The following EHD4 variants were observed in gnomAD, a reference collection of about 807,000 sequenced individuals.
The protein encoded by EHD4 is EH domain-containing protein 4.
EHD4 carries 37 observed loss-of-function variants against 51.0 expected under a neutral mutation model. That is an observed-to-expected ratio of 0.73 (90% CI 0.56 to 0.95). The LOEUF (loss-of-function observed/expected upper bound fraction) is 0.95. Among genes scored for constraint, EHD4 ranks in the 40% least tolerant of loss-of-function variants. EHD4 has a pLI of 0.00. For synonymous variants in EHD4, 297 were observed against 317.3 expected (o/e 0.94, Z 0.68); for missense variants, 632 against 733.1 (o/e 0.86, Z 1.59).
chr15:41,933,743 G>T (rs1398885839), intron 3 of EHD4, among the ~76,000 whole-genome samples: 1 of 152,220 alleles, frequency 6.6e-6, no homozygotes, highest in South Asian at 2.1e-4. Flanking sequence ...ACCAGGGAAG[G>T]TTATTAAACG....
intron 1 of EHD4, among the ~76,000 whole-genome samples, chr15:41,955,486 G>T (rs2067881709): frequency 6.6e-6 from 1 of 152,066 alleles, no homozygotes; most frequent in Admixed American, 6.5e-5. Context: ...CTCAGCTGAG[G>T]GGAAGAGCTC....
intron 1 of EHD4, among the ~76,000 whole-genome samples, chr15:41,965,685 C>T (rs918208356): frequency 1.3e-5 from 2 of 152,182 alleles, no homozygotes; most frequent in East Asian, 1.9e-4. Flanking sequence ...TGCACAGCCA[C>T]GTGCAGAAGG....
chr15:41,972,432 C>T lies in EHD4; in HGVS notation c.63G>A (p.Val21=), dbSNP rs2068004925. 1 of 1,596,028 alleles carries T rather than the reference C, an allele frequency of 6.3e-7. No individual in the cohort carries two copies. Among genetic ancestry groups the T allele is most frequent in the Non-Finnish European group, 8.5e-7 (1 of 1,172,910 alleles). The part of the protein sequence containing the change: ...GRERAGGADA[V]QTVTGGLRSL... ...AGCGCAGCCCGCCCGTCACCGTCTGCACCGCGTCCGCGCCGCCAGCGCGTT... is the reference window on the plus strand; with the variant it reads ...AGCGCAGCCCGCCCGTCACCGTCTGTACCGCGTCCGCGCCGCCAGCGCGTT... The change falls in exon 1 of 6, where the codon GTG becomes GTA. Residue 21 remains valine (V), a synonymous_variant. Coordinates refer to ENST00000220325, the MANE Select transcript of EHD4 (RefSeq NM_139265.4).
chr15:41,919,134 C>T, intron 4 of EHD4, 76 bp downstream of exon 4: 4 of 1,574,728 alleles, frequency 2.5e-6, no homozygotes, highest in Non-Finnish European at 3.5e-6. Context: ...AAGCCTCCTC[C>T]CACCCATCTT....
Position 41,946,112 on chromosome 15 carries a change from C to T in EHD4, c.414-2948G>A, listed in dbSNP as rs533884717. ...TGCTTCCAAGCACAGATTTGCTGTC[C>T]CAAGATGGATTTCCTACTCCTTCCT... On this transcript the variant is annotated intron_variant, in intron 2 of 5. Transcript: ENST00000220325. Among the ~76,000 whole-genome samples, 12 of 152,336 alleles carry T rather than the reference C, an allele frequency of 7.9e-5. No individual in the cohort carries two copies. In the South Asian group the frequency reaches 2.5e-3, roughly 32 times the overall value.
chr15:41,919,261 C>T lies in EHD4; in HGVS notation c.873G>A (p.Lys291=), dbSNP rs1014049100. 6.2e-7 allele frequency: 1 copy of T among 1,614,166 alleles called. No individual in the cohort carries two copies. Among genetic ancestry groups the T allele is most frequent in the Non-Finnish European group, 8.5e-7 (1 of 1,180,034 alleles). ...LFRDIQSLPQ[K]AAVRKLNDLI... Reference sequence around the variant, plus strand: ...GGTCGTTGAGCTTGCGCACCGCTGCCTTCTGGGGGAGGCTCTGGATGTCTC... The same window carrying T: ...GGTCGTTGAGCTTGCGCACCGCTGCTTTCTGGGGGAGGCTCTGGATGTCTC... Residue 291 remains lysine, a synonymous_variant, in exon 4 of 6, where the codon AAG becomes AAA. Coordinates refer to ENST00000220325, the MANE Select transcript of EHD4 (RefSeq NM_139265.4).
chr15:41,947,180 C>A (rs1303579619), intron 2 of EHD4, among the ~76,000 whole-genome samples: 1 of 152,210 alleles, frequency 6.6e-6, no homozygotes, highest in Non-Finnish European at 1.5e-5. Flanking sequence ...ATGGCACACA[C>A]TGGAACCACT....
intron 4 of EHD4, among the ~76,000 whole-genome samples, chr15:41,913,334 T>C (rs1014602141): frequency 3.3e-5 from 5 of 152,284 alleles, no homozygotes; most frequent in South Asian, 4.1e-4. Flanking sequence ...TGGTTGTCCC[T>C]GGGGAAGGAG....
chr15:41,927,765 C>A (rs753401294), intron 3 of EHD4, among the ~76,000 whole-genome samples: 1 of 152,138 alleles, frequency 6.6e-6, no homozygotes, highest in Non-Finnish European at 1.5e-5. Context: ...TAGAGATTTG[C>A]GGAACCACAC....
At chr15:41,902,475 A>C (rs918978199) in intron 5 of EHD4, among the ~76,000 whole-genome samples, 3 of 152,208 alleles carry the variant, frequency 2.0e-5, no homozygotes, top group African/African-American at 7.2e-5. Flanking sequence ...ATGAAAAGCC[A>C]TAATTCCTGC....
At chr15:41,956,212 C>T (rs532503846) in intron 1 of EHD4, among the ~76,000 whole-genome samples, 3 of 152,304 alleles carry the variant, frequency 2.0e-5, no homozygotes, top group South Asian at 2.1e-4. Context: ...ATGAACCAGA[C>T]GAGAACTGCA....
At chr15:41,915,609 T>G (rs1348736814) in intron 4 of EHD4, among the ~76,000 whole-genome samples, 4 of 152,142 alleles carry the variant, frequency 2.6e-5, no homozygotes, top group Non-Finnish European at 5.9e-5. Context: ...TTCTAAAGGG[T>G]GGGGTCTGAT....
At chr15:41,970,817 C>A (rs1171617342) in intron 1 of EHD4, among the ~76,000 whole-genome samples, 1 of 152,218 alleles carries the variant, frequency 6.6e-6, no homozygotes, top group Non-Finnish European at 1.5e-5. Context: ...GCTTCCCACT[C>A]TTGTACCACT....
chr15:41,936,181 A>C (rs999839148), intron 3 of EHD4, among the ~76,000 whole-genome samples: 1 of 152,358 alleles, frequency 6.6e-6, no homozygotes, highest in East Asian at 1.9e-4. Flanking sequence ...AAAGTGAGTC[A>C]GAAGGTCAAT....
intron 2 of EHD4, among the ~76,000 whole-genome samples, chr15:41,947,021 G>T (rs749135134): frequency 2.6e-5 from 4 of 152,182 alleles, no homozygotes; most frequent in Non-Finnish European, 5.9e-5. Flanking sequence ...AGCCTTACAG[G>T]TAGGGCTGTG....
Position 41,966,623 on chromosome 15 carries a change from G to A in EHD4, c.236+5636C>T, listed in dbSNP as rs373061566. Among the ~76,000 whole-genome samples, 81 of 152,156 alleles carry A rather than the reference G, an allele frequency of 5.3e-4. No homozygotes were observed. In the East Asian group the frequency reaches 7.5e-3, roughly 14 times the overall value. ...TTCGAGGCTGGAAATGGAGGTGGCC[G>A]CCTGCCCACCCCTGAGAAGGAACAC... is the stretch of plus-strand genomic sequence containing the variant. On this transcript the variant is annotated intron_variant, in intron 1 of 5. Coordinates refer to ENST00000220325, the MANE Select transcript of EHD4 (RefSeq NM_139265.4).
Position 41,900,001 on chromosome 15 carries a change from GGA to G in EHD4, c.*642_*643del, listed in dbSNP as rs1347008893. ...CAGATGGTCATCGGGGCACTGGGAT[GGA>G]GGCACGCTGGGGCCTGACTGCCTGC... is the stretch of plus-strand genomic sequence containing the variant. On this transcript the variant is annotated 3_prime_UTR_variant, in exon 6 of 6. Coordinates refer to ENST00000220325, the MANE Select transcript of EHD4 (RefSeq NM_139265.4). This position sits in a 1 kb window ranked among gnomAD's most constrained non-coding sequence, Gnocchi z 4.8. 6.6e-6 allele frequency: 1 copy of G among 152,536 alleles called. No individual in the cohort carries two copies. Among genetic ancestry groups the G allele is most frequent in the African/African-American group, 2.4e-5 (1 of 41,428 alleles). The allele number at this position is 152,536 out of a possible 1,614,324, so 9.4% of individuals were successfully genotyped here. A position where few individuals can be genotyped will look rare whatever the true frequency, so the allele number is the denominator to read the frequency against.
At chr15:41,966,448 C>T (rs1479375966) in intron 1 of EHD4, among the ~76,000 whole-genome samples, 2 of 152,204 alleles carry the variant, frequency 1.3e-5, no homozygotes, top group Admixed American at 1.3e-4. Flanking sequence ...CCCCAGCTCT[C>T]AGGCCACGTG....
intron 2 of EHD4, among the ~76,000 whole-genome samples, chr15:41,949,373 A>AG (rs1198236763): frequency 6.6e-6 from 1 of 152,060 alleles, no homozygotes; most frequent in African/African-American, 2.4e-5. Flanking sequence ...CCATCTCAAA[A>AG]AAATAATAAT....
Sources: gnomAD v4.1 joint callset for allele counts (sites outside exome capture counted in the v4.1 genomes callset) on GRCh38, gnomAD v4.1.1 for gene constraint, Gnocchi (gnomAD v3.1) non-coding constraint, MANE v1.5 for transcripts, NCBI Gene and HGNC (gene_info 2026-07-23, HGNC 2026-07-21) for gene names.